REV3L: variants seen among roughly 807,000 people sequenced by gnomAD.
REV3L encodes REV3 like, DNA directed polymerase zeta catalytic subunit.
Under a neutral mutation model 299.4 loss-of-function variants are expected in REV3L, and 69 were observed. The observed-to-expected ratio is 0.23, with a 90% CI of 0.19 to 0.28. The LOEUF (loss-of-function observed/expected upper bound fraction) is 0.28. Ranked by LOEUF, REV3L falls within the 10% of genes least tolerant of loss-of-function variation. REV3L has a pLI of 1.00. For synonymous variants in REV3L, 1,238 were observed against 1,271.4 expected (o/e 0.97, Z 0.56); for missense variants, 3,128 against 3,693.8 (o/e 0.85, Z 3.97).
At chr6:111,384,847 C>CT (rs1781189361) in intron 9 of REV3L, among the ~76,000 whole-genome samples, 2 of 152,298 alleles carry the variant, frequency 1.3e-5, no homozygotes, top group East Asian at 3.9e-4. Flanking sequence ...TGGAAGCAAT[C>CT]TAAGTGTCCA....
intron 21 of REV3L, among the ~76,000 whole-genome samples, chr6:111,337,321 T>TA (rs1234048501): frequency 1.3e-5 from 2 of 152,208 alleles, no homozygotes; most frequent in Non-Finnish European, 2.9e-5. Context: ...CTAAACTCTA[T>TA]AAATGTTTAA....
At chr6:111,455,094 T>C (rs576510005) in intron 1 of REV3L, among the ~76,000 whole-genome samples, 1 of 152,200 alleles carries the variant, frequency 6.6e-6, no homozygotes, top group South Asian at 2.1e-4. Flanking sequence ...AAACAAACAA[T>C]CTTGCAAGTT....
intron 1 of REV3L, among the ~76,000 whole-genome samples, chr6:111,426,912 G>C (rs1431178568): frequency 6.6e-6 from 1 of 152,182 alleles, no homozygotes; most frequent in Non-Finnish European, 1.5e-5. Flanking sequence ...AAAATAATTA[G>C]TGTTATTAAC....
In REV3L at chr6:111,305,741, C is replaced by A. The variant is rs17540283; in HGVS notation, c.9252+1620G>T. Among the ~76,000 whole-genome samples, 600 of 152,148 alleles carry A rather than the reference C, an allele frequency of 3.9e-3. 5 individuals carry two copies. Among genetic ancestry groups the A allele is most frequent in the African/African-American group, 0.014 (564 of 41,500 alleles). ...AAACATAAGAAAGTCTAGGAAAGGA[C>A]CATTTAACAGCCTGACCTTAGCAGA... is the stretch of plus-strand genomic sequence containing the variant. On this transcript the variant is annotated intron_variant, in intron 31 of 31. Coordinates refer to ENST00000368802, the MANE Select transcript of REV3L (RefSeq NM_001372078.1).
intron 3 of REV3L, among the ~76,000 whole-genome samples, chr6:111,407,611 G>C (rs535036257): frequency 6.6e-6 from 1 of 152,222 alleles, no homozygotes; most frequent in Admixed American, 6.5e-5. Context: ...AAAATGGTTG[G>C]GGTAGAAGCC....
intron 31 of REV3L, among the ~76,000 whole-genome samples, 169 bp from the exon 32 acceptor site, chr6:111,300,325 T>A (rs1420086524): frequency 2.0e-5 from 3 of 152,244 alleles, no homozygotes; most frequent in Admixed American, 2.0e-4. Flanking sequence ...CTACCCTATG[T>A]TGAGACATTT....
At chr6:111,468,837 T>C (rs1791833698) in intron 1 of REV3L, among the ~76,000 whole-genome samples, 1 of 152,298 alleles carries the variant, frequency 6.6e-6, no homozygotes, top group African/African-American at 2.4e-5. Flanking sequence ...GTTTACATAA[T>C]GAAGCAGACA....
intron 29 of REV3L, chr6:111,310,388 G>A: frequency 4.8e-6 from 1 of 209,928 alleles, no homozygotes; most frequent in Non-Finnish European, 9.3e-6. Flanking sequence ...GGTGGGAGTG[G>A]TGGCTCATGC....
intron 13 of REV3L, 130 bp downstream of exon 13, chr6:111,372,466 T>C: frequency 1.6e-6 from 1 of 607,474 alleles, no homozygotes; most frequent in South Asian, 5.3e-5. Context: ...TACTTACAAA[T>C]ACGGTATCAC....
In REV3L at chr6:111,299,637, C is replaced by T. The variant is rs994048459; in HGVS notation, c.*379G>A. ...AGTGAATGGATATCTCGAAGTAACACGTCTTGATACAGACAGTTCAAGGAA... is the reference window on the plus strand; with the variant it reads ...AGTGAATGGATATCTCGAAGTAACATGTCTTGATACAGACAGTTCAAGGAA... On this transcript the variant is annotated 3_prime_UTR_variant, in exon 32 of 32. Transcript: ENST00000368802. 7 of 155,898 alleles carry T rather than the reference C, an allele frequency of 4.5e-5. No individual in the cohort carries two copies. Among genetic ancestry groups the T allele is most frequent in the Admixed American group, 2.6e-4 (4 of 15,376 alleles). 9.7% of individuals were successfully genotyped at this position (155,898 alleles called of 1,614,324 possible).
chr6:111,464,674 T>A (rs1448110388), intron 1 of REV3L, among the ~76,000 whole-genome samples: 3 of 152,084 alleles, frequency 2.0e-5, no homozygotes, highest in African/African-American at 7.2e-5. Flanking sequence ...TACATACACT[T>A]TTAAAAATGA....
chr6:111,451,603 TA>T (rs1789548651), intron 1 of REV3L, among the ~76,000 whole-genome samples: 1 of 152,146 alleles, frequency 6.6e-6, no homozygotes, highest in South Asian at 2.1e-4. Context: ...ACTCTGCCTA[TA>T]TTTAAAGCAA....
At chr6:111,441,578 A>G (rs1788269841) in intron 1 of REV3L, among the ~76,000 whole-genome samples, 1 of 152,120 alleles carries the variant, frequency 6.6e-6, no homozygotes, top group African/African-American at 2.4e-5. Context: ...TATTGTCTAC[A>G]TTTTTTATTA....
intron 21 of REV3L, among the ~76,000 whole-genome samples, chr6:111,336,905 C>G (rs956779721): frequency 6.6e-6 from 1 of 152,114 alleles, no homozygotes; most frequent in African/African-American, 2.4e-5. Flanking sequence ...CTAAAAGAAG[C>G]CAGCCACAAA....
At chr6:111,305,624 A>T (rs1054567235) in intron 31 of REV3L, among the ~76,000 whole-genome samples, 5 of 152,092 alleles carry the variant, frequency 3.3e-5, no homozygotes, top group Non-Finnish European at 7.3e-5. Context: ...AATAAAAAGA[A>T]AAAAAGAATG....
At chr6:111,428,371 C>CA (rs908387384) in intron 1 of REV3L, among the ~76,000 whole-genome samples, 7 of 151,382 alleles carry the variant, frequency 4.6e-5, no homozygotes, top group African/African-American at 1.2e-4. Flanking sequence ...CAAAATAATA[C>CA]AAAAAAAACC....
intron 1 of REV3L, among the ~76,000 whole-genome samples, chr6:111,435,669 T>C (rs1172891127): frequency 6.6e-6 from 1 of 152,182 alleles, no homozygotes; most frequent in Non-Finnish European, 1.5e-5. Flanking sequence ...AAAGTCAAAA[T>C]GGATTGAAGA....
intron 1 of REV3L, among the ~76,000 whole-genome samples, chr6:111,433,964 T>C (rs1787240432): frequency 1.3e-5 from 2 of 152,204 alleles, no homozygotes; most frequent in Admixed American, 6.5e-5. Context: ...TATTATTGTT[T>C]CAACAGATGC....
chr6:111,305,503 CTTGAGCCCAGGAGG>C (rs1481615567), intron 31 of REV3L, among the ~76,000 whole-genome samples: 1 of 152,082 alleles, frequency 6.6e-6, no homozygotes, highest in Non-Finnish European at 1.5e-5. Context: ...GAGAGGATCA[CTTGAGCCCAGGAGG>C]TTGAGGCTGC....
Sources: allele counts gnomAD v4.1 joint callset (sites outside exome capture counted in the v4.1 genomes callset), GRCh38; gene constraint gnomAD v4.1.1; transcripts MANE v1.5; gene names NCBI Gene and HGNC (gene_info 2026-07-23, HGNC 2026-07-21).